Variants in FBLN1 observed in about 807,000 individuals in gnomAD.
FBLN1 encodes fibulin 1.
A neutral mutation model predicts 89.7 loss-of-function variants in FBLN1; 34 were observed. The ratio of observed to expected loss-of-function variants is 0.38; its 90% CI spans 0.29 to 0.50. The LOEUF is 0.50. Ranked by LOEUF, FBLN1 falls within the 20% of genes least tolerant of loss-of-function variation. The probability of loss-of-function intolerance (pLI) is 0.92; values close to 1 mark genes in which losing one functional copy is unlikely to be tolerated. For synonymous variants in FBLN1, 393 were observed against 391.3 expected (o/e 1.00, Z -0.05); for missense variants, 777 against 988.1 (o/e 0.79, Z 2.86).
chr22:45,564,521 T>C (rs2088884230), intron 14 of FBLN1, among the ~76,000 whole-genome samples: 1 of 152,242 alleles, frequency 6.6e-6, no homozygotes, highest in South Asian at 2.1e-4. Flanking sequence ...TTTGCACCCT[T>C]GGCCTGAATG....
intron 16 of FBLN1, among the ~76,000 whole-genome samples, chr22:45,582,405 G>C (rs1399870967): frequency 6.6e-6 from 1 of 152,174 alleles, no homozygotes; most frequent in Non-Finnish European, 1.5e-5. Flanking sequence ...GCAGTCAAAA[G>C]ATGAAGTTCA....
intron 16 of FBLN1, among the ~76,000 whole-genome samples, chr22:45,596,507 T>G (rs1375338172): frequency 6.6e-6 from 1 of 151,912 alleles, no homozygotes; most frequent in Non-Finnish European, 1.5e-5. Flanking sequence ...GCACCAGGAG[T>G]GTGTATTTAA....
intron 3 of FBLN1, among the ~76,000 whole-genome samples, chr22:45,525,912 G>C (rs78093624): frequency 0.018 from 2,809 of 152,350 alleles, 89 homozygotes; most frequent in African/African-American, 0.063. Flanking sequence ...ACGAGGCCGG[G>C]GGGTGAAGTG....
chr22:45,595,021 A>T (rs9626173), intron 16 of FBLN1, among the ~76,000 whole-genome samples: 45,037 of 152,024 alleles, frequency 0.3, 10,209 homozygotes, highest in African/African-American at 0.64. Flanking sequence ...CTGAACTGTT[A>T]AGGTCCTCTT....
At chr22:45,528,812 C>T (rs929611198) in intron 4 of FBLN1, among the ~76,000 whole-genome samples, 7 of 152,172 alleles carry the variant, frequency 4.6e-5, no homozygotes, top group African/African-American at 1.7e-4. Flanking sequence ...CTCCGGTTGT[C>T]GGAGCCATTC....
chr22:45,544,449 G>C (rs919485177), intron 11 of FBLN1, among the ~76,000 whole-genome samples: 1 of 152,156 alleles, frequency 6.6e-6, no homozygotes, highest in Non-Finnish European at 1.5e-5. Context: ...GAAGCACCCT[G>C]GCCTTCCGGA....
intron 1 of FBLN1, among the ~76,000 whole-genome samples, chr22:45,516,484 T>C (rs1210269460): frequency 2.6e-5 from 4 of 152,252 alleles, no homozygotes; most frequent in African/African-American, 9.6e-5. Flanking sequence ...AATGAATGAA[T>C]GAGTGAATGG....
chr22:45,528,738 C>G (rs750384159), intron 4 of FBLN1, among the ~76,000 whole-genome samples: 13 of 151,830 alleles, frequency 8.6e-5, no homozygotes, highest in Non-Finnish European at 1.8e-4. Context: ...TTGACACTTA[C>G]GATGAACCAT....
At position 45,583,806 on chromosome 22, in the gene FBLN1, GAGAGAGAGAC is replaced by G. The variant is rs1569265745; in HGVS notation, c.1972+6709_1972+6718del. 6.6e-6 allele frequency among the ~76,000 whole-genome samples: 1 copy of G among 152,014 alleles called. No homozygotes were observed. The highest frequency in any genetic ancestry group is 2.4e-5 in the African/African-American group (1 of 41,372). The stretch of plus-strand genomic sequence containing the variant: ...GCAGCATGAGAGAGAGAGAGAATGA[GAGAGAGAGAC>G]AGAGAGAGACCTGTGGGACCAAAGC... On this transcript the variant is annotated intron_variant, in intron 16 of 16. Transcript: ENST00000327858. This position sits in a 1 kb window ranked among gnomAD's most constrained non-coding sequence, Gnocchi z 4.5.
intron 7 of FBLN1, among the ~76,000 whole-genome samples, chr22:45,534,838 T>G (rs1392852271): frequency 6.6e-6 from 1 of 152,242 alleles, no homozygotes; most frequent in Non-Finnish European, 1.5e-5. Flanking sequence ...TGGATATGTT[T>G]ATAGAGACTG....
intron 2 of FBLN1, among the ~76,000 whole-genome samples, chr22:45,519,258 C>A (rs943062175): frequency 6.6e-6 from 1 of 152,114 alleles, no homozygotes; most frequent in Admixed American, 6.6e-5. Context: ...CTGGATCGAC[C>A]GTTTTTATTC....
rs1410891787 is a variant in FBLN1 at position 45,532,245 on chromosome 22, G to T, written c.545-818G>T. Among the ~76,000 whole-genome samples, 2 of 152,140 alleles carry T rather than the reference G, an allele frequency of 1.3e-5. No homozygotes were observed. The highest frequency in any genetic ancestry group is 6.5e-5 in the Admixed American group (1 of 15,274). On this transcript the variant is annotated intron_variant, in intron 5 of 16. Transcript: ENST00000327858. The surrounding 1 kb of genome is among the most constrained non-coding windows in gnomAD (Gnocchi z 4.2). ...ACCTAGAGCCCCAGCAAGCCTCAGG[G>T]CTATGGGAGGAGCTTTCTGGGGAGG... is the stretch of plus-strand genomic sequence containing the variant.
intron 10 of FBLN1, 31 bp downstream of exon 10, chr22:45,542,314 A>G (rs1304787918): frequency 5.6e-6 from 9 of 1,612,990 alleles, no homozygotes; most frequent in Non-Finnish European, 7.6e-6. Flanking sequence ...GCCTCGGGGG[A>G]ACCCAGCCAC....
intron 14 of FBLN1, among the ~76,000 whole-genome samples, chr22:45,566,969 A>G (rs2088906121): frequency 6.6e-6 from 1 of 152,176 alleles, no homozygotes; most frequent in African/African-American, 2.4e-5. Flanking sequence ...TAATTCGTTT[A>G]CTCTTCACAG....
At chr22:45,587,787 T>A (rs2089101043) in intron 16 of FBLN1, among the ~76,000 whole-genome samples, 1 of 152,206 alleles carries the variant, frequency 6.6e-6, no homozygotes, top group South Asian at 2.1e-4. Flanking sequence ...TGACATTCAC[T>A]TCCTTCTCCT....
At position 45,575,004 on chromosome 22, in the gene FBLN1, A is replaced by G. The variant is rs1204742913; in HGVS notation, c.1840+351A>G. Reference sequence around the variant, plus strand: ...TCACCGTGTTCGCCAGGATGGTCTCAATCTCCTGACCTCATGATCCACCCG... The same window carrying G: ...TCACCGTGTTCGCCAGGATGGTCTCGATCTCCTGACCTCATGATCCACCCG... On this transcript the variant is annotated intron_variant, in intron 15 of 16. Coordinates refer to ENST00000327858, the MANE Select transcript of FBLN1 (RefSeq NM_006486.3). This position sits in a 1 kb window ranked among gnomAD's most constrained non-coding sequence, Gnocchi z 6.3. 1.1e-4 allele frequency among the ~76,000 whole-genome samples: 16 copies of G among 151,816 alleles called. No individual in the cohort carries two copies. The highest frequency in any genetic ancestry group is 7.4e-5 in the Non-Finnish European group (5 of 67,892).
In FBLN1 at chr22:45,541,353, G is replaced by A. The variant is rs1221993435; in HGVS notation, c.1047G>A (p.Glu349=). The A allele has an allele frequency of 6.2e-7, 1 of 1,614,132 alleles. No individual in the cohort carries two copies. Among genetic ancestry groups the A allele is most frequent in the African/African-American group, 1.3e-5 (1 of 74,948 alleles). ...PNCGRGYHLN[E]EGTRCVDVDE... is the part of the protein sequence containing the mutation. ...GTGGCCGTGGCTACCATCTCAACGAGGAGGGAACGCGCTGTGTTGGTTGGT... is the reference window on the plus strand; with the variant it reads ...GTGGCCGTGGCTACCATCTCAACGAAGAGGGAACGCGCTGTGTTGGTTGGT... Residue 349 remains glutamate (E), a synonymous_variant, in exon 9 of 17, where the codon GAG becomes GAA. Coordinates refer to ENST00000327858, the MANE Select transcript of FBLN1 (RefSeq NM_006486.3).
Position 45,590,765 on chromosome 22 carries a change from C to T in FBLN1, c.1973-9542C>T, listed in dbSNP as rs1279231947. ...ATGGGAGTAAGGGGCCTATCGAGGG[C>T]GACTCCAAGTTCCTGGCTTGGGGGT... On this transcript the variant is annotated intron_variant, in intron 16 of 16. Transcript: ENST00000327858. This position sits in a 1 kb window ranked among gnomAD's most constrained non-coding sequence, Gnocchi z 4.1. 3.9e-5 allele frequency among the ~76,000 whole-genome samples: 6 copies of T among 152,062 alleles called. No homozygotes were observed. The highest frequency in any genetic ancestry group is 1.9e-4 in the East Asian group (1 of 5,164).
intron 14 of FBLN1, among the ~76,000 whole-genome samples, chr22:45,554,766 A>C (rs2088756959): frequency 6.6e-6 from 1 of 152,188 alleles, no homozygotes; most frequent in African/African-American, 2.4e-5. Flanking sequence ...GGGGCTCCGC[A>C]CCTGGGCCCT....
Sources: gnomAD v4.1 joint callset for allele counts (sites outside exome capture counted in the v4.1 genomes callset) on GRCh38, gnomAD v4.1.1 for gene constraint, Gnocchi (gnomAD v3.1) non-coding constraint, MANE v1.5 for transcripts, NCBI Gene and HGNC (gene_info 2026-07-23, HGNC 2026-07-21) for gene names.